Variants in KLF8 observed in about 807,000 individuals in gnomAD.
KLF8 encodes the protein Krueppel-like factor 8.
In KLF8, 10 loss-of-function variants were observed where a neutral mutation model predicts 18.2. That is an observed-to-expected ratio of 0.55 (90% confidence interval 0.34 to 0.93). KLF8 has a LOEUF of 0.93. KLF8 is among the 40% of genes least tolerant of loss of function. The pLI, the probability that KLF8 is intolerant of heterozygous loss-of-function variation, is 0.02. For synonymous variants in KLF8, 109 were observed against 97.3 expected, an observed-to-expected ratio of 1.12 and a Z score of -0.71; for missense variants, 264 against 277.9, an observed-to-expected ratio of 0.95 and a Z score of 0.36.
chrX:55,962,485 T>G, the KLF8 span: 11 of 207,380 alleles, frequency 5.3e-5, no homozygotes, highest in East Asian at 1.5e-3. Flanking sequence ...CCAAGTAATA[T>G]CACTGGTGCA....
the KLF8 span, among the ~76,000 whole-genome samples, chrX:56,056,017 G>A: frequency 3.6e-5 from 4 of 110,661 alleles, no homozygotes; most frequent in Non-Finnish European, 7.6e-5. Context: ...TGTACTCCTG[G>A]ATCTCAATGA....
the KLF8 span, among the ~76,000 whole-genome samples, chrX:55,915,065 C>T: frequency 9.0e-6 from 1 of 110,623 alleles, no homozygotes; most frequent in Non-Finnish European, 1.9e-5. Context: ...CATTGTTGAT[C>T]AGGGAGAAGG....
chrX:56,203,417 C>T, the KLF8 span, among the ~76,000 whole-genome samples: 2 of 111,925 alleles, frequency 1.8e-5, no homozygotes, highest in Admixed American at 9.5e-5. Flanking sequence ...TGTGCAGAAG[C>T]TTTCTAACTT....
At chrX:56,160,219 T>A in the KLF8 span, among the ~76,000 whole-genome samples, 5,645 of 111,961 alleles carry the variant, frequency 0.05, 360 homozygotes, top group African/African-American at 0.17. Flanking sequence ...TTCTTAATCC[T>A]GAGTTCTAGT....
the KLF8 span, among the ~76,000 whole-genome samples, chrX:55,988,396 A>T: frequency 2.7e-5 from 3 of 111,917 alleles, no homozygotes; most frequent in Admixed American, 1.9e-4. Context: ...TAAGGAAGAG[A>T]TCCAGTTTCA....
At chrX:56,109,765 C>G in the KLF8 span, among the ~76,000 whole-genome samples, 1 of 42,383 alleles carries the variant, frequency 2.4e-5, no homozygotes, top group Non-Finnish European at 5.1e-5. Flanking sequence ...TATTTTTTCC[C>G]TTTCTTATTT....
chrX:56,010,837 AAAC>A, the KLF8 span, among the ~76,000 whole-genome samples: 4 of 112,057 alleles, frequency 3.6e-5, no homozygotes, highest in Non-Finnish European at 7.5e-5. Context: ...AACAGACTTT[AAAC>A]AACAACAACA....
At chrX:55,999,016 T>A in the KLF8 span, among the ~76,000 whole-genome samples, 1 of 110,139 alleles carries the variant, frequency 9.1e-6, no homozygotes, top group East Asian at 2.8e-4. Context: ...TTAATTTTTG[T>A]ATATGGTGAG....
chrX:56,100,794 G>A, the KLF8 span, among the ~76,000 whole-genome samples: 10 of 111,898 alleles, frequency 8.9e-5, no homozygotes, highest in African/African-American at 3.2e-4. Context: ...AAACTTGAAT[G>A]GATGAGGAAT....
At chrX:56,217,398 CTATT>C in the KLF8 span, among the ~76,000 whole-genome samples, 1 of 103,561 alleles carries the variant, frequency 9.7e-6, no homozygotes, top group Non-Finnish European at 2.0e-5. Flanking sequence ...CTGAATTGTA[CTATT>C]TATTTATTTA....
At chrX:56,184,416 G>T in the KLF8 span, among the ~76,000 whole-genome samples, 1 of 112,691 alleles carries the variant, frequency 8.9e-6, no homozygotes, top group Non-Finnish European at 1.9e-5. Context: ...AGGCCTGCCT[G>T]CCTCTGTAGG....
At chrX:56,106,471 T>G in the KLF8 span, among the ~76,000 whole-genome samples, 1 of 112,058 alleles carries the variant, frequency 8.9e-6, no homozygotes, top group Non-Finnish European at 1.9e-5. Context: ...TGATCTTCCA[T>G]CACTGATACC....
the KLF8 span, among the ~76,000 whole-genome samples, chrX:56,118,312 A>C: frequency 8.9e-6 from 1 of 111,866 alleles, no homozygotes; most frequent in African/African-American, 3.3e-5. Flanking sequence ...GCTCAATATA[A>C]GTCAGCTATT....
chrX:56,083,314 C>T, the KLF8 span, among the ~76,000 whole-genome samples: 5 of 111,952 alleles, frequency 4.5e-5, no homozygotes, highest in African/African-American at 1.6e-4. Context: ...TATAACATAA[C>T]ATTAACATGT....
chrX:56,036,433 A>G, the KLF8 span, among the ~76,000 whole-genome samples: 1 of 112,032 alleles, frequency 8.9e-6, no homozygotes, highest in Non-Finnish European at 1.9e-5. Context: ...TATTGAAAAG[A>G]CTGTCCTTTC....
chrX:56,150,458 C>T, the KLF8 span, among the ~76,000 whole-genome samples: 1 of 111,808 alleles, frequency 8.9e-6, no homozygotes, highest in African/African-American at 3.2e-5. Flanking sequence ...GGCAAAGAAG[C>T]TTTGGTATTT....
At chrX:56,253,778 T>TTTTTTTTTTA (rs2066749712) in intron 2 of KLF8, among the ~76,000 whole-genome samples, 3 of 97,984 alleles carry the variant, frequency 3.1e-5, no homozygotes, top group African/African-American at 3.8e-5. Context: ...TTTTTTTTTT[T>TTTTTTTTTTA]GAGATGTTGT....
chrX:56,033,032 A>C, the KLF8 span, among the ~76,000 whole-genome samples: 1 of 111,762 alleles, frequency 8.9e-6, no homozygotes, highest in Non-Finnish European at 1.9e-5. Flanking sequence ...ACAAATAATA[A>C]TTCTATATAT....
At chrX:56,039,722 G>T in the KLF8 span, among the ~76,000 whole-genome samples, 1 of 111,247 alleles carries the variant, frequency 9.0e-6, no homozygotes. Flanking sequence ...GCTCTTTTTT[G>T]GTTGCATATA....
Sources: allele counts gnomAD v4.1 joint callset (sites outside exome capture counted in the v4.1 genomes callset), GRCh38; gene constraint gnomAD v4.1.1; transcripts MANE v1.5; gene names NCBI Gene and HGNC (gene_info 2026-07-23, HGNC 2026-07-21).